AP2B1: variants seen among roughly 807,000 people sequenced by gnomAD.
AP2B1 encodes AP-2 complex subunit beta.
A neutral mutation model predicts 102.0 loss-of-function variants in AP2B1; 23 were observed. The ratio of observed to expected loss-of-function variants is 0.23; its 90% CI spans 0.16 to 0.32. The LOEUF (loss-of-function observed/expected upper bound fraction) is 0.32, where lower values mean the gene tolerates loss of function less well. Ranked by LOEUF, AP2B1 falls within the 10% of genes least tolerant of loss-of-function variation. The pLI is 1.00. For synonymous variants in AP2B1, 381 were observed against 421.2 expected (o/e 0.90, Z 1.17); for missense variants, 541 against 1,157.4 (o/e 0.47, Z 7.73).
chr17:35,640,469 C>T (rs925080677), intron 11 of AP2B1, among the ~76,000 whole-genome samples: 1 of 152,048 alleles, frequency 6.6e-6, no homozygotes, highest in Admixed American at 6.6e-5. Flanking sequence ...AACTCCTGAC[C>T]TTAGGCGATC....
At chr17:35,668,968 T>G (rs1362044053) in intron 14 of AP2B1, among the ~76,000 whole-genome samples, 2 of 152,212 alleles carry the variant, frequency 1.3e-5, no homozygotes, top group African/African-American at 4.8e-5. Flanking sequence ...TTATATCCCT[T>G]GTAATGCCTT....
chr17:35,692,599 C>A (rs2076061781), intron 18 of AP2B1, among the ~76,000 whole-genome samples: 1 of 152,076 alleles, frequency 6.6e-6, no homozygotes, highest in Non-Finnish European at 1.5e-5. Flanking sequence ...AGAGCCATAC[C>A]CTGCTCTCAT....
intron 11 of AP2B1, 43 bp from the exon 12 acceptor site, chr17:35,641,834 C>T (rs749955022): frequency 1.4e-6 from 2 of 1,411,270 alleles, no homozygotes; most frequent in South Asian, 1.2e-5. Flanking sequence ...GGGAATAATG[C>T]CAGTGCCATT....
chr17:35,652,746 A>G (rs1300444298), intron 13 of AP2B1, among the ~76,000 whole-genome samples: 1 of 152,122 alleles, frequency 6.6e-6, no homozygotes, highest in Non-Finnish European at 1.5e-5. Context: ...TTATCTTCTC[A>G]TATTATTCAT....
At chr17:35,626,020 G>A (rs967880059) in intron 6 of AP2B1, among the ~76,000 whole-genome samples, 4 of 152,144 alleles carry the variant, frequency 2.6e-5, no homozygotes, top group South Asian at 2.1e-4. Flanking sequence ...AGGTGGCAGG[G>A]GCTAGGAGAG....
At chr17:35,697,091 A>G (rs1006080547) in intron 18 of AP2B1, among the ~76,000 whole-genome samples, 22 of 152,222 alleles carry the variant, frequency 1.4e-4, no homozygotes, top group Admixed American at 2.6e-4. Flanking sequence ...GTTTCTCAGC[A>G]GCCTTGCGTT....
At chr17:35,716,647 T>G (rs1461971186) in intron 20 of AP2B1, among the ~76,000 whole-genome samples, 1 of 152,184 alleles carries the variant, frequency 6.6e-6, no homozygotes, top group Non-Finnish European at 1.5e-5. Flanking sequence ...TTAATAAATT[T>G]GATTTGCAGT....
intron 5 of AP2B1, among the ~76,000 whole-genome samples, chr17:35,611,297 A>C (rs1317239791): frequency 3.3e-5 from 5 of 152,194 alleles, no homozygotes; most frequent in Admixed American, 3.3e-4. Context: ...CTTATTAAAT[A>C]TTCAGTGGTG....
At position 35,607,896 on chromosome 17, in the gene AP2B1, G is replaced by A. The variant is rs1182476008; in HGVS notation, c.280-246G>A. 6.4e-6 allele frequency: 3 copies of A among 471,176 alleles called. No individual in the cohort carries two copies. The East Asian group carries it at 1.2e-4, about 19-fold the overall frequency. 29.2% of individuals were successfully genotyped at this position (471,176 alleles called of 1,614,324 possible). On this transcript the variant is annotated intron_variant, in intron 4 of 21. Transcript: ENST00000610402. ...CCCTAAACCTCTGCCTGGCACTAGA[G>A]TGAATCCTGCTGAGCTGTTTCTCAT...
chr17:35,712,707 G>A (rs1315387062), intron 20 of AP2B1, among the ~76,000 whole-genome samples: 1 of 152,228 alleles, frequency 6.6e-6, no homozygotes, highest in Non-Finnish European at 1.5e-5. Context: ...TACAGCATAT[G>A]CTAGGCTTCA....
Position 35,587,384 on chromosome 17 carries a change from C to T in AP2B1, c.-68C>T, listed in dbSNP as rs556653555. On this transcript the variant is annotated 5_prime_UTR_variant, in exon 1 of 22. Transcript: ENST00000610402. ...ACACCACCACCTGGGCTGTGCTCTC[C>T]GGCTCCCGCCGCCACCCCCGCCCTC... 3.9e-5 allele frequency: 6 copies of T among 153,560 alleles called. No homozygotes were observed. The highest frequency in any genetic ancestry group is 8.7e-5 in the Non-Finnish European group (6 of 69,156). The allele number at this position is 153,560 out of a possible 1,614,324, so 9.5% of individuals were successfully genotyped here.
chr17:35,716,731 A>G (rs2076558299), intron 20 of AP2B1, among the ~76,000 whole-genome samples: 1 of 152,126 alleles, frequency 6.6e-6, no homozygotes, highest in South Asian at 2.1e-4. Flanking sequence ...AGTAGTAGTG[A>G]CTTGGGAAGT....
chr17:35,678,795 C>T (rs2075755068), intron 17 of AP2B1, among the ~76,000 whole-genome samples: 1 of 152,136 alleles, frequency 6.6e-6, no homozygotes, highest in African/African-American at 2.4e-5. Flanking sequence ...TATATTTACT[C>T]TTCATTTCTG....
intron 18 of AP2B1, among the ~76,000 whole-genome samples, chr17:35,687,258 C>CACACCACT (rs2075955780): frequency 6.6e-6 from 1 of 151,990 alleles, no homozygotes; most frequent in Admixed American, 6.5e-5. Context: ...ACCACAGGAG[C>CACACCACT]ACACCACTAC....
At chr17:35,665,125 G>A (rs1457252053) in intron 14 of AP2B1, among the ~76,000 whole-genome samples, 1 of 84,816 alleles carries the variant, frequency 1.2e-5, no homozygotes, top group Non-Finnish European at 2.2e-5. Context: ...TTTTGGAATA[G>A]CTTTTTTTTT....
intron 1 of AP2B1, among the ~76,000 whole-genome samples, chr17:35,588,256 C>A (rs566782436): frequency 3.5e-4 from 53 of 151,836 alleles, no homozygotes; most frequent in African/African-American, 1.3e-3. Context: ...GGGGGACAGG[C>A]CTTTATTGAA....
chr17:35,596,870 C>T (rs2073303803), intron 2 of AP2B1: 2 of 691,568 alleles, frequency 2.9e-6, no homozygotes, highest in Non-Finnish European at 2.7e-6. Context: ...CAGGAAGAAG[C>T]CATATGCTGC....
chr17:35,720,571 A>T (rs79455490), intron 21 of AP2B1, among the ~76,000 whole-genome samples: 3,317 of 43,590 alleles, frequency 0.076, 139 homozygotes, highest in Non-Finnish European at 0.094. Flanking sequence ...ATATATATAT[A>T]TATTTTTTTT....
intron 6 of AP2B1, 123 bp from the exon 7 acceptor site, chr17:35,626,498 C>T: frequency 1.2e-6 from 1 of 842,054 alleles, no homozygotes; most frequent in African/African-American, 1.7e-5. Flanking sequence ...GGAGCTTTGA[C>T]TTTTCTAACT....
Sources: allele counts gnomAD v4.1 joint callset (sites outside exome capture counted in the v4.1 genomes callset), GRCh38; gene constraint gnomAD v4.1.1; transcripts MANE v1.5; gene names NCBI Gene and HGNC (gene_info 2026-07-23, HGNC 2026-07-21).